SSPN: variants seen among roughly 807,000 people sequenced by gnomAD.
SSPN encodes the protein K-ras oncogene-associated protein.
SSPN carries 15 observed loss-of-function variants against 19.1 expected under a neutral mutation model. That is an observed-to-expected ratio of 0.78 (90% confidence interval 0.52 to 1.21). SSPN has a LOEUF of 1.21. Ranked by LOEUF, SSPN falls within the 50% of genes most tolerant of loss-of-function variation. The probability of loss-of-function intolerance (pLI) is 0.00; values close to 1 mark genes in which losing one functional copy is unlikely to be tolerated. For missense variants in SSPN, 291 were observed against 314.0 expected (o/e 0.93, Z 0.55); for synonymous variants, 147 against 140.3 (o/e 1.05, Z -0.34).
chr12:26,135,527 G>A (rs1944420369), intron 1 of SSPN, among the ~76,000 whole-genome samples: 1 of 152,136 alleles, frequency 6.6e-6, no homozygotes, highest in South Asian at 2.1e-4. Flanking sequence ...GAATGTGGAG[G>A]AATTCTCCTG....
intron 1 of SSPN, among the ~76,000 whole-genome samples, chr12:26,153,132 T>C (rs1290184531): frequency 6.6e-6 from 1 of 152,226 alleles, no homozygotes; most frequent in East Asian, 1.9e-4. Context: ...CTCTCCGTCA[T>C]ATTCCCTTGT....
intron 1 of SSPN, among the ~76,000 whole-genome samples, chr12:26,209,010 C>T (rs1944957128): frequency 6.6e-6 from 1 of 152,012 alleles, no homozygotes; most frequent in African/African-American, 2.4e-5. Flanking sequence ...CCAACCCACC[C>T]TCCTTCATTT....
intron 1 of SSPN, chr12:26,122,636 C>G: frequency 7.8e-7 from 1 of 1,285,414 alleles, no homozygotes; most frequent in Non-Finnish European, 9.9e-7. Flanking sequence ...CGCCGCCCCC[C>G]GGGCCGCCGC....
chr12:26,216,046 T>C (rs1486961136), intron 1 of SSPN, among the ~76,000 whole-genome samples: 1 of 152,218 alleles, frequency 6.6e-6, no homozygotes, highest in Non-Finnish European at 1.5e-5. Context: ...CAAGAATACA[T>C]GTCAAGTGTT....
chr12:26,205,493 C>T (rs1224983454), intron 1 of SSPN, among the ~76,000 whole-genome samples: 1 of 152,186 alleles, frequency 6.6e-6, no homozygotes, highest in Non-Finnish European at 1.5e-5. Flanking sequence ...GCATGCATAT[C>T]AGGCCATTAG....
In SSPN at chr12:26,195,688, C is replaced by A; in HGVS notation, c.16C>A (p.Gln6Lys). Residue 6 changes from glutamine to lysine, a missense_variant, in exon 1 of 3, where the codon CAG becomes AAG. By Grantham distance (53) the Gln-to-Lys change is moderately conservative (BLOSUM62 1). Transcript: ENST00000242729. ...TCGCAGCGCCATGGGCAAGAACAAG[C>A]AGCCACGCGGCCAGCAGAGGCAGGG... Reference protein sequence around the residue: MGKNKQPRGQQRQGGP... With the variant: MGKNKKPRGQQRQGGP... The A allele has an allele frequency of 9.4e-7, 1 of 1,069,050 alleles. No homozygotes were observed. Among genetic ancestry groups the A allele is most frequent in the Non-Finnish European group, 1.1e-6 (1 of 881,708 alleles). 66.2% of individuals were successfully genotyped at this position (1,069,050 alleles called of 1,614,324 possible). A position where few individuals can be genotyped will look rare whatever the true frequency, so the allele number is the denominator to read the frequency against.
At chr12:26,122,460 C>G in intron 1 of SSPN, 1 of 1,353,000 alleles carries the variant, frequency 7.4e-7, no homozygotes. Context: ...CGAGAGGAAG[C>G]AGAAGGGCAG....
intron 1 of SSPN, among the ~76,000 whole-genome samples, chr12:26,222,152 G>A (rs994082944): frequency 6.6e-6 from 1 of 152,284 alleles, no homozygotes; most frequent in African/African-American, 2.4e-5. Context: ...TCCATGCCAT[G>A]CTCACATGTT....
chr12:26,213,325 A>G (rs1418491524), intron 1 of SSPN, among the ~76,000 whole-genome samples: 1 of 152,148 alleles, frequency 6.6e-6, no homozygotes, highest in Non-Finnish European at 1.5e-5. Flanking sequence ...AACTATGTTA[A>G]CATTGTTGGA....
chr12:26,193,908 T>A (rs1310058882), upstream of SSPN, among the ~76,000 whole-genome samples: 1 of 152,212 alleles, frequency 6.6e-6, no homozygotes, highest in African/African-American at 2.4e-5. Context: ...GTACATACTT[T>A]TTGTCTTCAA....
chr12:26,212,171 G>A (rs1273364947), intron 1 of SSPN, among the ~76,000 whole-genome samples: 2 of 152,094 alleles, frequency 1.3e-5, no homozygotes, highest in Non-Finnish European at 2.9e-5. Flanking sequence ...TAATTAATTA[G>A]CATTTATTTT....
At chr12:26,169,915 T>A (rs1271514119) in intron 1 of SSPN, among the ~76,000 whole-genome samples, 6 of 152,216 alleles carry the variant, frequency 3.9e-5, no homozygotes, top group Non-Finnish European at 7.3e-5. Flanking sequence ...TAGAAAATGC[T>A]CTAGCCTTTG....
At chr12:26,125,322 C>G in intron 1 of SSPN, 1 of 231,200 alleles carries the variant, frequency 4.3e-6, no homozygotes, top group Non-Finnish European at 8.6e-6. Context: ...GCAGCCTGAG[C>G]TTCCTTGGCT....
At chr12:26,169,595 T>A (rs11048421) in intron 1 of SSPN, among the ~76,000 whole-genome samples, 59,259 of 106,740 alleles carry the variant, frequency 0.56, 13,611 homozygotes, top group Admixed American at 0.66. Flanking sequence ...ATATATATAT[T>A]TTTTTTTCTT....
intron 1 of SSPN, among the ~76,000 whole-genome samples, chr12:26,154,621 T>C (rs1944545444): frequency 6.6e-6 from 1 of 152,198 alleles, no homozygotes; most frequent in Non-Finnish European, 1.5e-5. Flanking sequence ...GGGAAGTTAC[T>C]TAACCTTTCT....
rs1344744621 is a variant in SSPN at position 26,122,637 on chromosome 12, G to A, written c.-31+485G>A. 4.6e-6 allele frequency: 6 copies of A among 1,291,890 alleles called. No homozygotes were observed. The African/African-American group carries it at 6.2e-5, about 13-fold the overall frequency. The allele number at this position is 1,291,890 out of a possible 1,614,324, so 80.0% of individuals were successfully genotyped here. On this transcript the variant is annotated intron_variant, in intron 1 of 2. Transcript: ENST00000538142. Reference sequence around the variant, plus strand: ...TGCCGCCGCCGCCGCGCCGCCCCCCGGGCCGCCGCCGCTGCCGCCGCCGCG... The same window carrying A: ...TGCCGCCGCCGCCGCGCCGCCCCCCAGGCCGCCGCCGCTGCCGCCGCCGCG...
In SSPN at chr12:26,234,537, C is replaced by T. The variant is rs1223584475; in HGVS notation, c.*3461C>T. 1 of 152,166 alleles carries T rather than the reference C, an allele frequency of 6.6e-6. No homozygotes were observed. Among genetic ancestry groups the T allele is most frequent in the Non-Finnish European group, 1.5e-5 (1 of 68,026 alleles). 9.4% of individuals were successfully genotyped at this position (152,166 alleles called of 1,614,324 possible). ...TTGGATGAAGAATTAGTGGTTTAGC[C>T]TTTGAAATGAATACCTTGAATCATT... On this transcript the variant is annotated 3_prime_UTR_variant, in exon 3 of 3. Transcript: ENST00000242729.
At chr12:26,200,850 G>A (rs989028675) in intron 1 of SSPN, among the ~76,000 whole-genome samples, 13 of 151,490 alleles carry the variant, frequency 8.6e-5, no homozygotes, top group African/African-American at 3.2e-4. Context: ...CCACAGGATT[G>A]TTAGGAACTG....
At chr12:26,174,507 T>TCCTTCCTTCCTTCCTTCCTAC in intron 1 of SSPN, among the ~76,000 whole-genome samples, 2 of 116,822 alleles carry the variant, frequency 1.7e-5, no homozygotes, top group African/African-American at 8.2e-5. Flanking sequence ...TTCCTTCCCT[T>TCCTTCCTTCCTTCCTTCCTAC]CCTTCCTTCC....
Sources: gnomAD v4.1 joint callset for allele counts (sites outside exome capture counted in the v4.1 genomes callset) on GRCh38, gnomAD v4.1.1 for gene constraint, MANE v1.5 for transcripts, NCBI Gene and HGNC (gene_info 2026-07-23, HGNC 2026-07-21) for gene names.